Variants in PIGN observed in about 807,000 individuals in gnomAD.
PIGN encodes the protein GPI ethanolamine phosphate transferase 1.
A neutral mutation model predicts 125.4 loss-of-function variants in PIGN; 117 were observed. The ratio of observed to expected loss-of-function variants is 0.93; its 90% CI spans 0.80 to 1.09. PIGN has a LOEUF of 1.09. PIGN is among the 50% of genes least tolerant of loss of function. PIGN has a pLI of 0.00. For missense variants in PIGN, 1,075 were observed against 1,094.9 expected (o/e 0.98, Z 0.26); for synonymous variants, 392 against 377.8 (o/e 1.04, Z -0.44).
chr18:62,170,527 T>C (rs560107392), intron 1 of PIGN, among the ~76,000 whole-genome samples: 1 of 152,330 alleles, frequency 6.6e-6, no homozygotes, highest in South Asian at 2.1e-4. Flanking sequence ...TAAATGTGTG[T>C]GTTCTGACGG....
chr18:62,055,646 A>G (rs558390536), intron 30 of PIGN, among the ~76,000 whole-genome samples: 3 of 152,162 alleles, frequency 2.0e-5, no homozygotes, highest in African/African-American at 7.2e-5. Flanking sequence ...CACTGGGGGG[A>G]AATAAGGTAG....
Position 62,095,707 on chromosome 18 carries a change from T to C in PIGN, c.2180+141A>G, listed in dbSNP as rs2034151308. On this transcript the variant is annotated intron_variant, in intron 23 of 30. Coordinates refer to ENST00000640252, the MANE Select transcript of PIGN (RefSeq NM_176787.5). ...CAGATCAAGTCAGATACAGTTCTCA[T>C]AGAGAAGAAAATATTTATAATGTAT... The C allele has an allele frequency of 1.0e-5, 6 of 583,620 alleles. No individual in the cohort carries two copies. In the Admixed American group the frequency reaches 1.2e-4, roughly 12 times the overall value. The allele number at this position is 583,620 out of a possible 1,614,324, so 36.2% of individuals were successfully genotyped here. A position where few individuals can be genotyped will look rare whatever the true frequency, so the allele number is the denominator to read the frequency against.
At chr18:62,092,095 T>C (rs572939399) in intron 23 of PIGN, among the ~76,000 whole-genome samples, 4 of 152,212 alleles carry the variant, frequency 2.6e-5, no homozygotes, top group East Asian at 1.9e-4. Context: ...AAGATTCAGG[T>C]TTCAGAAAGC....
intron 14 of PIGN, among the ~76,000 whole-genome samples, chr18:62,130,577 C>A (rs1305532032): frequency 6.6e-6 from 1 of 151,920 alleles, no homozygotes; most frequent in Admixed American, 6.6e-5. Flanking sequence ...AATCTGTGCA[C>A]ATTACTTTGC....
chr18:62,105,714 T>C (rs948558123), intron 19 of PIGN, 80 bp from the exon 20 acceptor site: 2 of 740,994 alleles, frequency 2.7e-6, no homozygotes, highest in Admixed American at 3.0e-5. Flanking sequence ...TATATGACTG[T>C]GAAGGTAAAA....
At chr18:62,081,962 G>A (rs1237564110) in intron 28 of PIGN, among the ~76,000 whole-genome samples, 3 of 152,036 alleles carry the variant, frequency 2.0e-5, no homozygotes, top group Non-Finnish European at 4.4e-5. Flanking sequence ...GCTAATATTA[G>A]TTATTTCTTT....
At chr18:62,036,700 G>A (rs2030265964), downstream of PIGN, among the ~76,000 whole-genome samples, 1 of 152,148 alleles carries the variant, frequency 6.6e-6, no homozygotes, top group South Asian at 2.1e-4. Context: ...CTGCTAGTTA[G>A]GACATTGCAT....
At chr18:62,175,815 C>T (rs8085946) in intron 1 of PIGN, among the ~76,000 whole-genome samples, 4,113 of 152,186 alleles carry the variant, frequency 0.027, 188 homozygotes, top group African/African-American at 0.093. Flanking sequence ...TATTTTCCCC[C>T]AGTTCACTAA....
chr18:62,060,168 C>A (rs2032030036), intron 30 of PIGN, among the ~76,000 whole-genome samples: 1 of 152,188 alleles, frequency 6.6e-6, no homozygotes, highest in African/African-American at 2.4e-5. Flanking sequence ...TTGCATCAAT[C>A]AAGTCTTGGT....
intron 13 of PIGN, 90 bp from the exon 14 acceptor site, chr18:62,138,388 A>T: frequency 1.4e-6 from 2 of 1,435,654 alleles, no homozygotes; most frequent in Non-Finnish European, 1.9e-6. Flanking sequence ...TTCTTTAGGG[A>T]TGGTTAACCA....
intron 23 of PIGN, among the ~76,000 whole-genome samples, chr18:62,023,889 T>C (rs1007503822): frequency 1.3e-5 from 2 of 152,238 alleles, no homozygotes; most frequent in Non-Finnish European, 1.5e-5. Flanking sequence ...ACTGAAGAGC[T>C]AGCAGTGAAT....
chr18:62,158,535 T>C (rs1164299535), intron 4 of PIGN, among the ~76,000 whole-genome samples: 1 of 152,242 alleles, frequency 6.6e-6, no homozygotes, highest in African/African-American at 2.4e-5. Flanking sequence ...ATTTAAGTTG[T>C]ATCCACAGTG....
downstream of PIGN, among the ~76,000 whole-genome samples, chr18:62,036,612 G>A (rs980884252): frequency 6.6e-6 from 1 of 152,146 alleles, no homozygotes; most frequent in African/African-American, 2.4e-5. Context: ...CCTAAACTAG[G>A]GGCTACAAAG....
At position 62,085,253 on chromosome 18, in the gene PIGN, T is replaced by A; in HGVS notation, c.2382A>T (p.Leu794Phe). 6.5e-7 allele frequency: 1 copy of A among 1,543,798 alleles called. No homozygotes were observed. The highest frequency in any genetic ancestry group is 8.8e-7 in the Non-Finnish European group (1 of 1,140,782). Residue 794 changes from leucine (L) to phenylalanine (F), a missense_variant, in exon 26 of 31, where the codon TTA becomes TTT. Physicochemically the swap from Leu to Phe is conservative, Grantham distance 22. Around this residue, in one of 3 missense-constraint regions of PIGN, gnomAD observed 915 missense variants for 908.7 expected, o/e 1.01. Coordinates refer to ENST00000640252, the MANE Select transcript of PIGN (RefSeq NM_176787.5). ...IRRAFFLVFF[L>F]VTAFFGTGNI... ...TTCCAGTTCCAAAAAATGCTGTCACTAAGAAGAAAACCTAAAGGGAGTCAA... is the reference window on the plus strand; with the variant it reads ...TTCCAGTTCCAAAAAATGCTGTCACAAAGAAGAAAACCTAAAGGGAGTCAA...
At chr18:62,171,869 G>T (rs1346900685) in intron 1 of PIGN, among the ~76,000 whole-genome samples, 1 of 152,058 alleles carries the variant, frequency 6.6e-6, no homozygotes, top group Middle Eastern at 3.2e-3. Flanking sequence ...GTTGGTCTTA[G>T]TTAAAATTTT....
intron 23 of PIGN, among the ~76,000 whole-genome samples, chr18:62,035,187 C>T (rs1341600533): frequency 6.6e-6 from 1 of 152,160 alleles, no homozygotes; most frequent in Non-Finnish European, 1.5e-5. Flanking sequence ...GTGAGGCCTC[C>T]CCAGCCATGT....
At chr18:62,134,818 G>A (rs947452509) in intron 14 of PIGN, among the ~76,000 whole-genome samples, 2 of 152,152 alleles carry the variant, frequency 1.3e-5, no homozygotes, top group African/African-American at 2.4e-5. Flanking sequence ...ATCTGAGGGT[G>A]CTTTATATTT....
intron 19 of PIGN, among the ~76,000 whole-genome samples, chr18:62,106,255 A>G (rs1238636952): frequency 2.0e-5 from 3 of 152,214 alleles, no homozygotes; most frequent in Admixed American, 6.5e-5. Context: ...TCTATCAAAA[A>G]GTATCAAAGT....
intron 14 of PIGN, among the ~76,000 whole-genome samples, chr18:62,123,021 C>T (rs370917028): frequency 6.6e-6 from 1 of 152,130 alleles, no homozygotes; most frequent in South Asian, 2.1e-4. Context: ...GACTCAGGCA[C>T]TTAGTACTTT....
Sources: allele counts gnomAD v4.1 joint callset (sites outside exome capture counted in the v4.1 genomes callset), GRCh38; gene constraint gnomAD v4.1.1; regional missense constraint gnomAD v4.1.1; transcripts MANE v1.5; gene names NCBI Gene and HGNC (gene_info 2026-07-23, HGNC 2026-07-21).